Variants in ATPAF2 observed in about 807,000 individuals in gnomAD.
ATPAF2 encodes ATP12 homolog.
In ATPAF2, 30 loss-of-function variants were observed where a neutral mutation model predicts 36.6. The ratio of observed to expected loss-of-function variants is 0.82; its 90% CI spans 0.61 to 1.11. The LOEUF (loss-of-function observed/expected upper bound fraction) is 1.11. Ranked by LOEUF, ATPAF2 falls within the 50% of genes most tolerant of loss-of-function variation. ATPAF2 has a pLI of 0.00. For synonymous variants in ATPAF2, 140 were observed against 152.6 expected, an observed-to-expected ratio of 0.92 and a Z score of 0.61; for missense variants, 321 against 372.3, an observed-to-expected ratio of 0.86 and a Z score of 1.13.
Position 18,026,352 on chromosome 17 carries a change from G to A in ATPAF2, c.389C>T (p.Ala130Val), listed in dbSNP as rs759676953. 2 of 1,614,224 alleles carry A rather than the reference G, an allele frequency of 1.2e-6. No individual in the cohort carries two copies. The highest frequency in any genetic ancestry group is 1.7e-6 in the Non-Finnish European group (2 of 1,180,034). Residue 130 changes from alanine to valine, a missense_variant, in exon 4 of 8, where the codon GCA becomes GTA. By Grantham distance (64) the Ala-to-Val change is moderately conservative (BLOSUM62 0). This residue lies in a region of ATPAF2 where 199 missense variants were observed against 220.6 expected (regional missense o/e 0.90). Coordinates refer to ENST00000474627, the MANE Select transcript of ATPAF2 (RefSeq NM_145691.4). ...TQRNKDQLIRAAVKFLDTDTI... is the reference protein window; with the variant it reads ...TQRNKDQLIRVAVKFLDTDTI... ...GTCGGTGTCCAGAAACTTCACGGCTGCCCGGATCAGCTGATCCTTGTTTCT... is the reference window on the plus strand; with the variant it reads ...GTCGGTGTCCAGAAACTTCACGGCTACCCGGATCAGCTGATCCTTGTTTCT...
rs1131691631 is a variant in ATPAF2 at position 18,039,006 on chromosome 17, C to T, written c.8G>A (p.Arg3Lys). The T allele has an allele frequency of 6.2e-7, 1 of 1,604,454 alleles. No homozygotes were observed. Among genetic ancestry groups the T allele is most frequent in the East Asian group, 2.3e-5 (1 of 44,312 alleles). The change falls in exon 1 of 8, where the codon AGG (arginine) becomes AAG (lysine). Residue 3 changes from arginine (R) to lysine (K), a missense_variant. Physicochemically the swap from Arg to Lys is conservative, Grantham distance 26. Transcript: ENST00000474627. This position sits in a 1 kb window ranked among gnomAD's most constrained non-coding sequence, Gnocchi z 5.3. MWRSCLRLRDGGR... is the reference protein window; with the variant it reads MWKSCLRLRDGGR... ...CCCGTCCCGCAGCCGGAGGCAGCTC[C>T]TCCACATCGCGCCCGAGGGTCTGGG...
At chr17:18,034,497 C>T (rs567817798) in intron 1 of ATPAF2, among the ~76,000 whole-genome samples, 1 of 152,266 alleles carries the variant, frequency 6.6e-6, no homozygotes, top group African/African-American at 2.4e-5. Context: ...AGATACTCAA[C>T]ATAATTCATC....
In ATPAF2 at chr17:18,021,809, G is replaced by T; in HGVS notation, c.552C>A (p.Ile184=). The T allele has an allele frequency of 6.2e-7, 1 of 1,614,180 alleles. No individual in the cohort carries two copies. The highest frequency in any genetic ancestry group is 1.1e-5 in the South Asian group (1 of 91,078). ...SSSTSIMGPS[I]PAKTREVLVS... ...CGAGCACCTCCCGAGTTTTGGCAGG[G>T]ATGCTGGGTCCCATTATGCTGGTGG... Residue 184 remains isoleucine, a synonymous_variant, in exon 6 of 8, where the codon ATC becomes ATA. Transcript: ENST00000474627.
At chr17:18,018,897 A>G (rs1294381078) in intron 7 of ATPAF2, among the ~76,000 whole-genome samples, 1 of 152,196 alleles carries the variant, frequency 6.6e-6, no homozygotes, top group Non-Finnish European at 1.5e-5. Flanking sequence ...GCACTCTGGG[A>G]GACCGAGGCA....
At chr17:18,026,019 G>GC (rs1389602801) in intron 4 of ATPAF2, 6 of 494,442 alleles carry the variant, frequency 1.2e-5, no homozygotes, top group African/African-American at 9.7e-5. Flanking sequence ...AAGGTCACAG[G>GC]CCCCCCTAGG....
chr17:18,016,989 T>C (rs2044386636), downstream of ATPAF2: 1 of 196,990 alleles, frequency 5.1e-6, no homozygotes, highest in South Asian at 8.4e-5. Flanking sequence ...CTGACCAACA[T>C]GGTGAAACCT....
intron 3 of ATPAF2, among the ~76,000 whole-genome samples, chr17:18,027,700 G>A (rs933753144): frequency 4.8e-4 from 73 of 151,994 alleles, no homozygotes; most frequent in African/African-American, 1.7e-3. Context: ...TGGACGAGGG[G>A]GCTGGTTCTA....
In ATPAF2 at chr17:18,030,338, A is replaced by G. The variant is rs189626835; in HGVS notation, c.134-1679T>C. ...TCCATCTCAAAAAAAAAAAAAAAAAAAAAAAGAAAAATTAAAAATTAGCTA... is the reference window on the plus strand; with the variant it reads ...TCCATCTCAAAAAAAAAAAAAAAAAGAAAAAGAAAAATTAAAAATTAGCTA... On this transcript the variant is annotated intron_variant, in intron 1 of 7. Coordinates refer to ENST00000474627, the MANE Select transcript of ATPAF2 (RefSeq NM_145691.4). Among the ~76,000 whole-genome samples, 1,075 of 148,096 alleles carry G rather than the reference A, an allele frequency of 7.3e-3. 15 individuals carry two copies. The highest frequency in any genetic ancestry group is 0.025 in the African/African-American group (1,018 of 40,350).
At position 18,028,674 on chromosome 17, in the gene ATPAF2, T is replaced by A. The variant is rs775330192; in HGVS notation, c.134-15A>T. On this transcript the variant is annotated splice_polypyrimidine_tract_variant and intron_variant, in intron 1 of 7. Transcript: ENST00000474627. ...CCTCTTCCTTTCTGTAAGAAAGATT[T>A]TTCAAAGAGGCAGTTTAAAATAACG... The A allele has an allele frequency of 6.2e-7, 1 of 1,613,150 alleles. No homozygotes were observed. Among genetic ancestry groups the A allele is most frequent in the Non-Finnish European group, 8.5e-7 (1 of 1,179,586 alleles).
chr17:18,017,171 CAAAAAAAAAAAAA>C (rs59274380), downstream of ATPAF2, among the ~76,000 whole-genome samples: 81 of 43,638 alleles, frequency 1.9e-3, no homozygotes, highest in African/African-American at 4.1e-3. Flanking sequence ...GACTTCGTCT[CAAAAAAAAAAAAA>C]AAAAAAAAAA....
chr17:18,015,929 A>C, downstream of ATPAF2: 3 of 867,840 alleles, frequency 3.5e-6, no homozygotes, highest in South Asian at 4.9e-5. Flanking sequence ...GAGTGCGCTG[A>C]TACAAAGGTG....
chr17:18,017,260 C>A (rs1458459994), downstream of ATPAF2, among the ~76,000 whole-genome samples: 1 of 150,232 alleles, frequency 6.7e-6, no homozygotes, highest in Non-Finnish European at 1.5e-5. Context: ...CGGTCCCAGG[C>A]CAGCTGACAG....
At chr17:18,033,245 T>C (rs1173999716) in intron 1 of ATPAF2, among the ~76,000 whole-genome samples, 1 of 151,554 alleles carries the variant, frequency 6.6e-6, no homozygotes, top group Admixed American at 6.6e-5. Context: ...ATTGCCTGCC[T>C]GTAATACCAG....
intron 5 of ATPAF2, 105 bp downstream of exon 5, chr17:18,024,519 G>T: frequency 2.1e-6 from 2 of 931,684 alleles, no homozygotes; most frequent in Non-Finnish European, 3.5e-6. Flanking sequence ...AAATCAGAAA[G>T]CTGACTAGCT....
Position 18,026,381 on chromosome 17 carries a change from G to A in ATPAF2, c.360C>T (p.Thr120=). Residue 120 remains threonine, a synonymous_variant, in exon 4 of 8, where the codon ACC becomes ACT. Coordinates refer to ENST00000474627, the MANE Select transcript of ATPAF2 (RefSeq NM_145691.4). Reference sequence around the variant, plus strand: ...GGATCAGCTGATCCTTGTTTCTCTGGGTTGGGTTGTCCAATGATGTGTTGC... The same window carrying A: ...GGATCAGCTGATCCTTGTTTCTCTGAGTTGGGTTGTCCAATGATGTGTTGC... ...TLCNTSLDNP[T]QRNKDQLIRA... 6 of 1,614,178 alleles carry A rather than the reference G, an allele frequency of 3.7e-6. No individual in the cohort carries two copies. The highest frequency in any genetic ancestry group is 5.1e-6 in the Non-Finnish European group (6 of 1,180,030).
Position 18,018,035 on chromosome 17 carries a change from T to G in ATPAF2, c.*514A>C, listed in dbSNP as rs1486073517. The G allele has an allele frequency of 5.6e-6, 1 of 178,040 alleles. No homozygotes were observed. Among genetic ancestry groups the G allele is most frequent in the Non-Finnish European group, 1.2e-5 (1 of 82,336 alleles). 11.0% of individuals were successfully genotyped at this position (178,040 alleles called of 1,614,324 possible). On this transcript the variant is annotated 3_prime_UTR_variant, in exon 8 of 8. Transcript: ENST00000474627. ...TTAGACCACAATTGTTTCAAAAGAT[T>G]GTTTGATTAAAAGCCAGCCAAAAAA...
At chr17:18,036,182 A>G (rs1255054904) in intron 1 of ATPAF2, among the ~76,000 whole-genome samples, 2 of 152,130 alleles carry the variant, frequency 1.3e-5, no homozygotes, top group Non-Finnish European at 2.9e-5. Context: ...CAGCTTGCTG[A>G]CTGAAGTGTT....
chr17:18,021,216 C>T lies in ATPAF2; in HGVS notation c.639G>A (p.Gln213=). The T allele has an allele frequency of 3.1e-6, 5 of 1,613,696 alleles. No individual in the cohort carries two copies. The highest frequency in any genetic ancestry group is 3.4e-6 in the Non-Finnish European group (4 of 1,179,890). The change falls in exon 7 of 8, where the codon CAG becomes CAA. Residue 213 remains glutamine (Q), a synonymous_variant. Transcript: ENST00000474627. ...CCAAGGTTAGCACCATGGACTTGAG[C>T]TGGGCAGCTACAAACTCAATCCCTG... ...ALQGIEFVAA[Q]LKSMVLTLGL...
Position 18,028,256 on chromosome 17 carries a change from G to A in ATPAF2, c.300C>T (p.Thr100=), listed in dbSNP as rs754507559. Residue 100 remains threonine (T), a synonymous_variant, in exon 3 of 8, where the codon ACC becomes ACT. Coordinates refer to ENST00000474627, the MANE Select transcript of ATPAF2 (RefSeq NM_145691.4). ...VATEWDSQQD[T]IKYYTMHLTT... ...CCAGGTGCATGGTGTAGTACTTGATGGTATCCTGCTGGGAATCCCACTCAG... is the reference window on the plus strand; with the variant it reads ...CCAGGTGCATGGTGTAGTACTTGATAGTATCCTGCTGGGAATCCCACTCAG... 11 of 1,614,068 alleles carry A rather than the reference G, an allele frequency of 6.8e-6. No homozygotes were observed. In the East Asian group the frequency reaches 1.3e-4, roughly 20 times the overall value.
Sources: allele counts gnomAD v4.1 joint callset (sites outside exome capture counted in the v4.1 genomes callset), GRCh38; gene constraint gnomAD v4.1.1; regional missense constraint gnomAD v4.1.1; non-coding constraint Gnocchi (gnomAD v3.1); transcripts MANE v1.5; gene names NCBI Gene and HGNC (gene_info 2026-07-23, HGNC 2026-07-21).